ROBO2: variants seen among roughly 807,000 people sequenced by gnomAD.
ROBO2 encodes the protein roundabout homolog 2.
ROBO2 carries 53 observed loss-of-function variants against 160.8 expected under a neutral mutation model. The ratio of observed to expected loss-of-function variants is 0.33; its 90% CI spans 0.26 to 0.41. The LOEUF (loss-of-function observed/expected upper bound fraction) is 0.41. Among genes scored for constraint, ROBO2 ranks in the 10% least tolerant of loss-of-function variants. The pLI is 1.00. For synonymous variants in ROBO2, 664 were observed against 611.7 expected, an observed-to-expected ratio of 1.09 and a Z score of -1.26; for missense variants, 1,577 against 1,722.4, an observed-to-expected ratio of 0.92 and a Z score of 1.49.
intron 2 of ROBO2, among the ~76,000 whole-genome samples, chr3:76,544,876 C>A (rs2083009065): frequency 6.6e-6 from 1 of 151,922 alleles, no homozygotes; most frequent in Admixed American, 6.6e-5. Flanking sequence ...AGTTTAAAAG[C>A]CTTTACTGCT....
At chr3:76,733,935 G>A (rs1274083510) in intron 2 of ROBO2, among the ~76,000 whole-genome samples, 1 of 152,112 alleles carries the variant, frequency 6.6e-6, no homozygotes, top group African/African-American at 2.4e-5. Context: ...GCATCTTTTT[G>A]TTATATCTCT....
intron 6 of ROBO2, among the ~76,000 whole-genome samples, chr3:77,535,268 T>C (rs1483503524): frequency 6.6e-6 from 1 of 151,838 alleles, no homozygotes; most frequent in Non-Finnish European, 1.5e-5. Flanking sequence ...AATGAGATAA[T>C]GGGATGTGAT....
chr3:76,597,458 C>A (rs68078816), intron 2 of ROBO2, among the ~76,000 whole-genome samples: 1 of 152,002 alleles, frequency 6.6e-6, no homozygotes, highest in Non-Finnish European at 1.5e-5. Flanking sequence ...CATGAGCAGA[C>A]ATTTCATGGA....
In ROBO2 at chr3:77,568,170, C is replaced by T. The variant is rs1168781112; in HGVS notation, c.1850-143C>T. 6 of 811,264 alleles carry T rather than the reference C, an allele frequency of 7.4e-6. No homozygotes were observed. The East Asian group carries it at 8.1e-5, about 11-fold the overall frequency. 50.3% of individuals were successfully genotyped at this position (811,264 alleles called of 1,614,324 possible). A position where few individuals can be genotyped will look rare whatever the true frequency, so the allele number is the denominator to read the frequency against. On this transcript the variant is annotated intron_variant, in intron 12 of 25. Transcript: ENST00000461745. ...ACAGTGGTATATTTATATATATAGG[C>T]TTAAATGCTTTTTGTCACAAGAGAG...
chr3:77,606,745 A>G (rs1048849640), intron 20 of ROBO2, among the ~76,000 whole-genome samples: 27 of 152,328 alleles, frequency 1.8e-4, no homozygotes, highest in African/African-American at 6.3e-4. Context: ...ATTATAATAC[A>G]TTGCTAAATA....
At chr3:76,041,796 A>G (rs897115069) in intron 2 of ROBO2, among the ~76,000 whole-genome samples, 2 of 151,934 alleles carry the variant, frequency 1.3e-5, no homozygotes, top group Non-Finnish European at 2.9e-5. Context: ...ATGTTGATTG[A>G]TCCCTACATT....
At chr3:77,288,755 A>G (rs1255802533) in intron 2 of ROBO2, among the ~76,000 whole-genome samples, 1 of 151,940 alleles carries the variant, frequency 6.6e-6, no homozygotes, top group Admixed American at 6.6e-5. Flanking sequence ...TGTACTGGGG[A>G]AAAAAAAGGA....
intron 2 of ROBO2, among the ~76,000 whole-genome samples, chr3:76,531,074 A>G (rs1167573591): frequency 6.6e-6 from 1 of 152,220 alleles, no homozygotes; most frequent in African/African-American, 2.4e-5. Flanking sequence ...TTTGAAGCAA[A>G]GTCATAAAAT....
At chr3:76,882,197 G>C in intron 2 of ROBO2, among the ~76,000 whole-genome samples, 1 of 151,820 alleles carries the variant, frequency 6.6e-6, no homozygotes, top group East Asian at 1.9e-4. Flanking sequence ...TTTTGATTTG[G>C]TGGTTGTAGG....
intron 2 of ROBO2, among the ~76,000 whole-genome samples, chr3:77,105,508 G>C (rs565091819): frequency 6.6e-6 from 1 of 152,254 alleles, no homozygotes. Flanking sequence ...TATTTTGGCT[G>C]TTTTGTGAGT....
chr3:76,241,406 C>CTGGG (rs1389204233), intron 2 of ROBO2, among the ~76,000 whole-genome samples: 2 of 152,202 alleles, frequency 1.3e-5, no homozygotes, highest in African/African-American at 4.8e-5. Context: ...TTGCTATGTG[C>CTGGG]TGGGTGCTGT....
rs565158642 is a variant in ROBO2 at position 76,506,825 on chromosome 3, G to C, written c.109+569223G>C. On this transcript the variant is annotated intron_variant, in intron 2 of 26. Coordinates refer to the ROBO2 transcript ENST00000487694. Reference sequence around the variant, plus strand: ...CCTGATTCATGAATGAGTGAGTGAAGGTAAGACTGAATGTGGAATCAAAAT... The same window carrying C: ...CCTGATTCATGAATGAGTGAGTGAACGTAAGACTGAATGTGGAATCAAAAT... 2.0e-5 allele frequency among the ~76,000 whole-genome samples: 3 copies of C among 152,188 alleles called. 1 individual carries two copies. In the South Asian group the frequency reaches 6.2e-4, roughly 32 times the overall value.
At chr3:76,467,060 T>C (rs946974982) in intron 2 of ROBO2, among the ~76,000 whole-genome samples, 1 of 151,960 alleles carries the variant, frequency 6.6e-6, no homozygotes, top group Non-Finnish European at 1.5e-5. Flanking sequence ...TTGTGTTCAA[T>C]AAAAAGGACC....
chr3:76,028,260 G>GAC (rs397690886), intron 2 of ROBO2, among the ~76,000 whole-genome samples: 5 of 151,172 alleles, frequency 3.3e-5, no homozygotes, highest in African/African-American at 1.2e-4. Context: ...AAATATGAGA[G>GAC]GATAATAATA....
chr3:77,414,908 T>C (rs2077088838), intron 2 of ROBO2, among the ~76,000 whole-genome samples: 1 of 152,188 alleles, frequency 6.6e-6, no homozygotes, highest in African/African-American at 2.4e-5. Context: ...GAGAATTCCT[T>C]TTCCAGTCTT....
intron 2 of ROBO2, among the ~76,000 whole-genome samples, chr3:76,721,621 T>A (rs891630684): frequency 6.6e-6 from 1 of 152,240 alleles, no homozygotes; most frequent in Non-Finnish European, 1.5e-5. Context: ...CATATGTGAC[T>A]GTCTAAAGTT....
intron 2 of ROBO2, among the ~76,000 whole-genome samples, chr3:76,440,891 G>A (rs546481601): frequency 8.8e-6 from 1 of 114,126 alleles, no homozygotes; most frequent in Non-Finnish European, 1.6e-5. Context: ...ACTTCATGTG[G>A]CATGTGGCAT....
chr3:76,064,377 A>G (rs1488639791), intron 2 of ROBO2, among the ~76,000 whole-genome samples: 10 of 152,118 alleles, frequency 6.6e-5, no homozygotes, highest in Non-Finnish European at 1.2e-4. Flanking sequence ...CTCTCCCATT[A>G]TAGATGGTTG....
chr3:76,017,106 T>G (rs1158812634), intron 2 of ROBO2, among the ~76,000 whole-genome samples: 1 of 152,190 alleles, frequency 6.6e-6, no homozygotes, highest in Non-Finnish European at 1.5e-5. Flanking sequence ...GTTTTCATCT[T>G]CCTTCTGGGT....
Sources: allele counts gnomAD v4.1 joint callset (sites outside exome capture counted in the v4.1 genomes callset), GRCh38; gene constraint gnomAD v4.1.1; transcripts MANE v1.5; gene names NCBI Gene and HGNC (gene_info 2026-07-23, HGNC 2026-07-21).